The following UBE2V2 variants were observed in gnomAD, a reference collection of about 807,000 sequenced individuals.
The protein encoded by UBE2V2 is ubiquitin-conjugating enzyme E2 variant 2.
Under a neutral mutation model 17.2 loss-of-function variants are expected in UBE2V2, and 9 were observed. That is an observed-to-expected ratio of 0.52 (90% CI 0.32 to 0.91). The LOEUF is 0.91. UBE2V2 is among the 40% of genes least tolerant of loss of function. The pLI, the probability that UBE2V2 is intolerant of heterozygous loss-of-function variation, is 0.04. For missense variants in UBE2V2, 133 were observed against 182.6 expected (o/e 0.73, Z 1.56); for synonymous variants, 61 against 57.5 (o/e 1.06, Z -0.28).
At chr8:48,035,432 C>T (rs1010426413) in intron 1 of UBE2V2, among the ~76,000 whole-genome samples, 1 of 151,716 alleles carries the variant, frequency 6.6e-6, no homozygotes, top group Admixed American at 6.6e-5. Context: ...CTGCTCCCCT[C>T]TTCTACTGAT....
chr8:48,046,110 CT>C (rs2091496872), intron 2 of UBE2V2, among the ~76,000 whole-genome samples: 1 of 152,038 alleles, frequency 6.6e-6, no homozygotes, highest in Non-Finnish European at 1.5e-5. Flanking sequence ...CCACTCCCAG[CT>C]AATTTTGTAT....
chr8:48,048,690 G>A (rs1478419839), intron 2 of UBE2V2, among the ~76,000 whole-genome samples: 1 of 151,948 alleles, frequency 6.6e-6, no homozygotes, highest in Non-Finnish European at 1.5e-5. Context: ...TGTTGCATAG[G>A]TTTTACATTA....
At chr8:48,014,161 C>A (rs1242745239) in intron 1 of UBE2V2, among the ~76,000 whole-genome samples, 2 of 152,144 alleles carry the variant, frequency 1.3e-5, no homozygotes, top group African/African-American at 4.8e-5. Context: ...AGCCTGAATT[C>A]TCTTGATAAA....
intron 3 of UBE2V2, among the ~76,000 whole-genome samples, chr8:48,054,743 C>A (rs1474497321): frequency 6.6e-6 from 1 of 152,044 alleles, no homozygotes; most frequent in African/African-American, 2.4e-5. Context: ...AAAGTTATTC[C>A]CTGTGGGTGG....
At chr8:48,044,446 G>A (rs2091484997) in intron 2 of UBE2V2, among the ~76,000 whole-genome samples, 1 of 152,180 alleles carries the variant, frequency 6.6e-6, no homozygotes, top group South Asian at 2.1e-4. Flanking sequence ...ACTGCACCCA[G>A]CCCCTCCTGA....
At chr8:48,023,102 T>C (rs2091316711) in intron 1 of UBE2V2, among the ~76,000 whole-genome samples, 1 of 152,140 alleles carries the variant, frequency 6.6e-6, no homozygotes, top group African/African-American at 2.4e-5. Flanking sequence ...GGTTATAACA[T>C]GTCTTGGAGT....
At chr8:48,043,328 C>T (rs912113286) in intron 2 of UBE2V2, 147 bp downstream of exon 2, 3 of 626,018 alleles carry the variant, frequency 4.8e-6, no homozygotes, top group South Asian at 6.7e-5. Flanking sequence ...ATGCTTCCCA[C>T]GTGCAGGATA....
chr8:48,055,810 G>T (rs989180250), intron 3 of UBE2V2, among the ~76,000 whole-genome samples: 1 of 149,556 alleles, frequency 6.7e-6, no homozygotes, highest in Admixed American at 6.7e-5. Flanking sequence ...TGTCGCCCAG[G>T]CTGGAGTGCA....
At chr8:48,030,858 C>A (rs1288327085) in intron 1 of UBE2V2, among the ~76,000 whole-genome samples, 1 of 152,138 alleles carries the variant, frequency 6.6e-6, no homozygotes, top group African/African-American at 2.4e-5. Flanking sequence ...CCCGTCTCTA[C>A]TAAAAATACA....
intron 1 of UBE2V2, chr8:48,042,085 A>G (rs2091467912): frequency 6.6e-6 from 1 of 151,448 alleles, no homozygotes. Flanking sequence ...AGCCGTATCC[A>G]CTCTTTTAAA....
intron 1 of UBE2V2, among the ~76,000 whole-genome samples, chr8:48,027,780 G>A (rs1297164933): frequency 6.6e-6 from 1 of 152,208 alleles, no homozygotes; most frequent in African/African-American, 2.4e-5. Context: ...CATTACAGGC[G>A]TAAGCCACTG....
upstream of UBE2V2, chr8:48,008,268 A>C (rs942037054): frequency 5.8e-5 from 36 of 617,508 alleles, no homozygotes; most frequent in Non-Finnish European, 8.6e-5. Flanking sequence ...CGGGATTCAC[A>C]AGGGAATTGC....
At chr8:48,057,241 G>A (rs2091578962) in intron 3 of UBE2V2, among the ~76,000 whole-genome samples, 1 of 152,126 alleles carries the variant, frequency 6.6e-6, no homozygotes, top group African/African-American at 2.4e-5. Context: ...TCTGACCCAT[G>A]TATATTTATT....
rs1802614346 is a variant in UBE2V2, at chr8:48,062,649, C to G, written c.*1821C>G. The G allele has an allele frequency of 6.6e-6, 1 of 150,978 alleles. No individual in the cohort carries two copies. Among genetic ancestry groups the G allele is most frequent in the South Asian group, 2.1e-4 (1 of 4,756 alleles). The allele number at this position is 150,978 out of a possible 1,614,324, so 9.4% of individuals were successfully genotyped here. A position where few individuals can be genotyped will look rare whatever the true frequency, so the allele number is the denominator to read the frequency against. ...CCTTGGCTGTATATTAAAATAGTTA[C>G]TTTTATAGTAGAGCACATTTCTCAA... On this transcript the variant is annotated 3_prime_UTR_variant, in exon 4 of 4. Transcript: ENST00000523111.
At chr8:48,033,819 T>C (rs139170731) in intron 1 of UBE2V2, among the ~76,000 whole-genome samples, 1 of 152,148 alleles carries the variant, frequency 6.6e-6, no homozygotes, top group Non-Finnish European at 1.5e-5. Context: ...TTACCTTGCA[T>C]GTTGGCATGC....
At chr8:48,005,753 AT>A (rs1326033465), upstream of UBE2V2, among the ~76,000 whole-genome samples, 2 of 152,088 alleles carry the variant, frequency 1.3e-5, no homozygotes, top group Admixed American at 6.6e-5. Context: ...TTTGATTTGC[AT>A]TTCCCTAATG....
chr8:48,018,098 A>G (rs1260637619), intron 1 of UBE2V2, among the ~76,000 whole-genome samples: 1 of 152,136 alleles, frequency 6.6e-6, no homozygotes, highest in African/African-American at 2.4e-5. Context: ...CGGCCTCCCA[A>G]AGTGCTGGGA....
intron 1 of UBE2V2, among the ~76,000 whole-genome samples, chr8:48,011,152 A>T (rs542945004): frequency 6.6e-6 from 1 of 152,104 alleles, no homozygotes; most frequent in Non-Finnish European, 1.5e-5. Flanking sequence ...TTAAAATTAG[A>T]TGAGCTACAT....
chr8:48,019,380 A>C (rs1406364431), intron 1 of UBE2V2, among the ~76,000 whole-genome samples: 1 of 151,354 alleles, frequency 6.6e-6, no homozygotes, highest in African/African-American at 2.4e-5. Context: ...AAACAAACAA[A>C]AATTGGGCGT....
Sources: gnomAD v4.1 joint callset for allele counts (sites outside exome capture counted in the v4.1 genomes callset) on GRCh38, gnomAD v4.1.1 for gene constraint, MANE v1.5 for transcripts, NCBI Gene and HGNC (gene_info 2026-07-23, HGNC 2026-07-21) for gene names.